TRPS1: variants seen among roughly 807,000 people sequenced by gnomAD.
The protein encoded by TRPS1 is zinc finger transcription factor Trps1.
TRPS1 carries 6 observed loss-of-function variants against 101.2 expected under a neutral mutation model. The observed-to-expected ratio is 0.06, with a 90% confidence interval of 0.03 to 0.12. The LOEUF is 0.12. Among genes scored for constraint, TRPS1 ranks in the 10% least tolerant of loss-of-function variants. TRPS1 has a pLI of 1.00. For synonymous variants in TRPS1, 578 were observed against 589.8 expected, an observed-to-expected ratio of 0.98 and a Z score of 0.29; for missense variants, 1,363 against 1,567.0, an observed-to-expected ratio of 0.87 and a Z score of 2.20.
chr8:115,563,675 C>A (rs748444697), intron 5 of TRPS1, among the ~76,000 whole-genome samples: 1 of 152,112 alleles, frequency 6.6e-6, no homozygotes, highest in East Asian at 1.9e-4. Flanking sequence ...GAGCCAACCA[C>A]GTGATCTTTA....
At chr8:115,550,892 C>T (rs939658505) in intron 5 of TRPS1, among the ~76,000 whole-genome samples, 2 of 152,156 alleles carry the variant, frequency 1.3e-5, no homozygotes, top group East Asian at 1.9e-4. Flanking sequence ...AACCGAAACA[C>T]GGACAATTTC....
intron 5 of TRPS1, among the ~76,000 whole-genome samples, chr8:115,550,904 T>C (rs895348697): frequency 7.2e-5 from 11 of 152,186 alleles, no homozygotes; most frequent in Non-Finnish European, 1.5e-4. Context: ...GACAATTTCA[T>C]GCTAACATGG....
chr8:115,437,759 T>C (rs553672533), intron 5 of TRPS1, among the ~76,000 whole-genome samples: 2 of 152,298 alleles, frequency 1.3e-5, no homozygotes, highest in South Asian at 4.1e-4. Context: ...CTCATATTTA[T>C]TGTAAATATT....
rs78113051 is a variant in TRPS1 at position 115,416,800 on chromosome 8, T to C, written c.2823+1530A>G. ...TTAGTTTAAGAAAGAAAATGCAACATAGCTTAGTTATGCCATGTGCATTTC... is the reference window on the plus strand; with the variant it reads ...TTAGTTTAAGAAAGAAAATGCAACACAGCTTAGTTATGCCATGTGCATTTC... On this transcript the variant is annotated intron_variant, in intron 6 of 6. Coordinates refer to ENST00000395715, the MANE Select transcript of TRPS1 (RefSeq NM_014112.5). Among the ~76,000 whole-genome samples, 377 of 152,168 alleles carry C rather than the reference T, an allele frequency of 2.5e-3. 4 individuals are homozygous for C. The highest frequency in any genetic ancestry group is 8.9e-3 in the South Asian group (43 of 4,826).
chr8:115,569,207 T>C (rs935944847), intron 5 of TRPS1, among the ~76,000 whole-genome samples: 4 of 152,060 alleles, frequency 2.6e-5, no homozygotes, highest in Admixed American at 6.6e-5. Context: ...TGAATTCCAA[T>C]CCTGGCAGGC....
At chr8:115,647,380 G>GTTTT in intron 1 of TRPS1, among the ~76,000 whole-genome samples, 1 of 152,216 alleles carries the variant, frequency 6.6e-6, no homozygotes, top group African/African-American at 2.4e-5. Context: ...AAACTTGATA[G>GTTTT]GGATCCACGT....
rs565249897 is a variant in TRPS1 at position 115,527,254 on chromosome 8, C to G, written c.2700+59747G>C. On this transcript the variant is annotated intron_variant, in intron 5 of 6. Coordinates refer to ENST00000395715, the MANE Select transcript of TRPS1 (RefSeq NM_014112.5). ...TCACTTAATCTTTATTCTCTAAGCT[C>G]TAATCTCCCAAGAAAATATGTGCCT... 1.6e-4 allele frequency among the ~76,000 whole-genome samples: 25 copies of G among 151,942 alleles called. No individual in the cohort carries two copies. In the South Asian group the frequency reaches 5.0e-3, roughly 30 times the overall value.
intron 5 of TRPS1, among the ~76,000 whole-genome samples, chr8:115,488,125 T>C (rs1246304903): frequency 2.6e-5 from 4 of 152,178 alleles, no homozygotes; most frequent in African/African-American, 9.6e-5. Context: ...GGCAAAATCC[T>C]CCACCAGACA....
At chr8:115,531,383 T>C (rs909424168) in intron 5 of TRPS1, among the ~76,000 whole-genome samples, 1 of 152,180 alleles carries the variant, frequency 6.6e-6, no homozygotes, top group Non-Finnish European at 1.5e-5. Context: ...AAGATACTTG[T>C]TGATTACTGT....
At chr8:115,667,237 T>C (rs1811943549) in intron 1 of TRPS1, among the ~76,000 whole-genome samples, 1 of 152,126 alleles carries the variant, frequency 6.6e-6, no homozygotes, top group Non-Finnish European at 1.5e-5. Flanking sequence ...AAACAGTTGC[T>C]GACTTCCCTG....
intron 5 of TRPS1, among the ~76,000 whole-genome samples, chr8:115,512,625 C>T (rs1586350771): frequency 6.6e-6 from 1 of 151,294 alleles, no homozygotes; most frequent in East Asian, 1.9e-4. Flanking sequence ...TATCTGTCTC[C>T]ACCACCAACT....
At chr8:115,531,019 T>C (rs952643909) in intron 5 of TRPS1, among the ~76,000 whole-genome samples, 4 of 152,110 alleles carry the variant, frequency 2.6e-5, no homozygotes, top group Admixed American at 2.0e-4. Context: ...ACATGGCACA[T>C]GTATACATAT....
intron 1 of TRPS1, among the ~76,000 whole-genome samples, chr8:115,663,740 A>AAAAAT (rs1441971975): frequency 6.6e-6 from 1 of 151,446 alleles, no homozygotes; most frequent in African/African-American, 2.4e-5. Flanking sequence ...AAAAAAAAAA[A>AAAAAT]AAACTGGGAT....
chr8:115,566,115 A>C (rs1011699769), intron 5 of TRPS1, among the ~76,000 whole-genome samples: 1 of 152,170 alleles, frequency 6.6e-6, no homozygotes, highest in Non-Finnish European at 1.5e-5. Context: ...ACTAATGTGC[A>C]TGGGCAAAAG....
chr8:115,656,717 A>G (rs1811684702), intron 1 of TRPS1, among the ~76,000 whole-genome samples: 2 of 152,120 alleles, frequency 1.3e-5, no homozygotes, highest in Admixed American at 6.6e-5. Context: ...AAAATATTTT[A>G]TCATAAAAAG....
chr8:115,484,402 G>C (rs1933235095), intron 5 of TRPS1, among the ~76,000 whole-genome samples: 1 of 151,976 alleles, frequency 6.6e-6, no homozygotes, highest in African/African-American at 2.4e-5. Flanking sequence ...ATCTGAGAGA[G>C]GCAAGTCAAA....
At chr8:115,489,270 C>T (rs947860441) in intron 5 of TRPS1, among the ~76,000 whole-genome samples, 9 of 152,176 alleles carry the variant, frequency 5.9e-5, no homozygotes, top group Admixed American at 5.9e-4. Flanking sequence ...TGTGTAGCCA[C>T]ATTGTCCAGT....
At chr8:115,633,651 A>G (rs1818700138) in intron 1 of TRPS1, among the ~76,000 whole-genome samples, 1 of 152,178 alleles carries the variant, frequency 6.6e-6, no homozygotes, top group Non-Finnish European at 1.5e-5. Context: ...CTGCTTACCC[A>G]AGAAGACCGG....
In TRPS1 at chr8:115,414,575, G is replaced by C. The variant is rs756890592; in HGVS notation, c.3333C>G (p.Pro1111=). ...CACTCTGGAAGTCATTATGTACAAA[G>C]GGAAGTCCAAAAAGTGGGTACTGGT... ...EKYQYPLFGL[P]FVHNDFQSEA... Residue 1111 remains proline (P), a synonymous_variant, in exon 7 of 7, where the codon CCC becomes CCG. Coordinates refer to ENST00000395715, the MANE Select transcript of TRPS1 (RefSeq NM_014112.5). The surrounding 1 kb of genome is among the most constrained non-coding windows in gnomAD (Gnocchi z 4.8). 8.7e-6 allele frequency: 14 copies of C among 1,613,898 alleles called. No individual in the cohort carries two copies. The South Asian group carries it at 1.5e-4, about 18-fold the overall frequency.
Sources: gnomAD v4.1 joint callset for allele counts (sites outside exome capture counted in the v4.1 genomes callset) on GRCh38, gnomAD v4.1.1 for gene constraint, Gnocchi (gnomAD v3.1) non-coding constraint, MANE v1.5 for transcripts, NCBI Gene and HGNC (gene_info 2026-07-23, HGNC 2026-07-21) for gene names.